GTF2B: variants seen among roughly 807,000 people sequenced by gnomAD.
GTF2B encodes general transcription factor IIB.
Under a neutral mutation model 34.6 loss-of-function variants are expected in GTF2B, and 20 were observed. The observed-to-expected ratio is 0.58, with a 90% confidence interval of 0.41 to 0.84. The LOEUF (loss-of-function observed/expected upper bound fraction) is 0.84, where lower values mean the gene tolerates loss of function less well. GTF2B is among the 40% of genes least tolerant of loss of function. GTF2B has a pLI of 0.00. For synonymous variants in GTF2B, 142 were observed against 132.4 expected, an observed-to-expected ratio of 1.07 and a Z score of -0.50; for missense variants, 237 against 393.3, an observed-to-expected ratio of 0.60 and a Z score of 3.36.
rs1674092564 is a variant in GTF2B, at chr1:88,887,206, A to G, written c.124+55T>C. On this transcript the variant is annotated intron_variant, in intron 2 of 6. Transcript: ENST00000370500. ...AGTGCTGGAATTACAGGCGTGAGCCACCATGCTTGGCCTCCTGAACAGTAA... is the reference window on the plus strand; with the variant it reads ...AGTGCTGGAATTACAGGCGTGAGCCGCCATGCTTGGCCTCCTGAACAGTAA... 3.5e-6 allele frequency: 4 copies of G among 1,145,224 alleles called. No individual in the cohort carries two copies. In the East Asian group the frequency reaches 9.6e-5, roughly 28 times the overall value. 70.9% of individuals were successfully genotyped at this position (1,145,224 alleles called of 1,614,324 possible).
At chr1:88,878,688 G>A (rs1351426115) in intron 2 of GTF2B, among the ~76,000 whole-genome samples, 5 of 152,198 alleles carry the variant, frequency 3.3e-5, no homozygotes, top group Non-Finnish European at 7.3e-5. Flanking sequence ...TCATGGCTCT[G>A]ACGAATACAA....
Position 88,869,771 on chromosome 1 carries a change from C to G in GTF2B, c.125-5657G>C, listed in dbSNP as rs141911713. On this transcript the variant is annotated intron_variant, in intron 2 of 6. Coordinates refer to ENST00000370500, the MANE Select transcript of GTF2B (RefSeq NM_001514.6). ...GCTTCCAAGTAGCTGGGATTACAGG[C>G]GCCTGCCACCACGTCTGACTAATTT... Among the ~76,000 whole-genome samples, 276 of 152,166 alleles carry G rather than the reference C, an allele frequency of 1.8e-3. 2 individuals are homozygous for G. Among genetic ancestry groups the G allele is most frequent in the African/African-American group, 6.3e-3 (262 of 41,514 alleles).
chr1:88,882,135 C>A (rs1673961831), intron 2 of GTF2B, among the ~76,000 whole-genome samples: 1 of 151,820 alleles, frequency 6.6e-6, no homozygotes, highest in Non-Finnish European at 1.5e-5. Context: ...CGTGGTGAAA[C>A]CCTGTCTCTA....
intron 2 of GTF2B, among the ~76,000 whole-genome samples, chr1:88,872,182 G>A (rs138105676): frequency 3.3e-3 from 508 of 151,990 alleles, no homozygotes; most frequent in African/African-American, 0.011. Flanking sequence ...GGCCGGGTGC[G>A]GTGGCTCACG....
At chr1:88,879,827 G>A (rs12408287) in intron 2 of GTF2B, among the ~76,000 whole-genome samples, 17,587 of 151,884 alleles carry the variant, frequency 0.12, 2,451 homozygotes, top group African/African-American at 0.33. Context: ...AGGTCGAGGC[G>A]GGTGGATCAC....
chr1:88,889,385 T>G (rs1018223779), intron 1 of GTF2B, among the ~76,000 whole-genome samples: 1 of 152,120 alleles, frequency 6.6e-6, no homozygotes, highest in Non-Finnish European at 1.5e-5. Context: ...TAGGGAGGAA[T>G]AGAGAAACCA....
chr1:88,861,570 G>A (rs7536560), intron 3 of GTF2B, among the ~76,000 whole-genome samples: 140,018 of 152,288 alleles, frequency 0.92, 64,598 homozygotes, highest in South Asian at 0.96. Context: ...AGGCTGAGGC[G>A]GGAGAATCGC....
intron 2 of GTF2B, among the ~76,000 whole-genome samples, chr1:88,867,882 G>A (rs1421198185): frequency 1.3e-5 from 2 of 152,104 alleles, no homozygotes; most frequent in East Asian, 1.9e-4. Context: ...TTCCACATAC[G>A]TAGGAATGAT....
intron 2 of GTF2B, among the ~76,000 whole-genome samples, chr1:88,885,706 C>T (rs1235822056): frequency 6.6e-6 from 1 of 152,116 alleles, no homozygotes; most frequent in African/African-American, 2.4e-5. Context: ...ACCGAGATCA[C>T]GCCATTGCAC....
chr1:88,882,064 C>T (rs992783880), intron 2 of GTF2B, among the ~76,000 whole-genome samples: 4 of 151,962 alleles, frequency 2.6e-5, no homozygotes, highest in South Asian at 2.1e-4. Flanking sequence ...AAACTCAGAA[C>T]GCTGGGAGGT....
intron 2 of GTF2B, among the ~76,000 whole-genome samples, chr1:88,876,470 G>A (rs528620285): frequency 6.6e-6 from 1 of 152,100 alleles, no homozygotes; most frequent in Non-Finnish European, 1.5e-5. Context: ...CCAGGAGTTC[G>A]AGATCAGCCT....
chr1:88,873,691 C>G lies in GTF2B; in HGVS notation c.125-9577G>C, dbSNP rs111581738. On this transcript the variant is annotated intron_variant, in intron 2 of 6. Coordinates refer to ENST00000370500, the MANE Select transcript of GTF2B (RefSeq NM_001514.6). ...TTACTATGGCTTGCATTTTGTAGCA[C>G]GGGACAGCTGTTGGTAATTTCCTTT... 7.3e-3 allele frequency among the ~76,000 whole-genome samples: 1,114 copies of G among 152,156 alleles called. 13 individuals are homozygous for G. The highest frequency in any genetic ancestry group is 0.025 in the African/African-American group (1,040 of 41,500).
At chr1:88,873,256 C>CTCG (rs1391093810) in intron 2 of GTF2B, among the ~76,000 whole-genome samples, 2 of 140,392 alleles carry the variant, frequency 1.4e-5, no homozygotes, top group African/African-American at 5.3e-5. Context: ...GTGGCACTAT[C>CTCG]TCGACTCACT....
rs377761634 is a variant in GTF2B at position 88,885,104 on chromosome 1, A to C, written c.124+2157T>G. On this transcript the variant is annotated intron_variant, in intron 2 of 6. Transcript: ENST00000370500. Reference sequence around the variant, plus strand: ...TTGTAATGTGAAAAGAGTCATATACACTATGTAAACAAGTGAGTGTTGCTA... The same window carrying C: ...TTGTAATGTGAAAAGAGTCATATACCCTATGTAAACAAGTGAGTGTTGCTA... Among the ~76,000 whole-genome samples, 48 of 152,348 alleles carry C rather than the reference A, an allele frequency of 3.2e-4. No homozygotes were observed. The East Asian group carries it at 6.4e-3, about 20-fold the overall frequency.
At chr1:88,861,917 C>A (rs145482767) in intron 3 of GTF2B, among the ~76,000 whole-genome samples, 103 of 152,170 alleles carry the variant, frequency 6.8e-4, no homozygotes, top group African/African-American at 2.4e-3. Context: ...GGAGACTGTT[C>A]CACAAATATA....
chr1:88,867,512 C>T (rs888993966), intron 2 of GTF2B, among the ~76,000 whole-genome samples: 3 of 151,838 alleles, frequency 2.0e-5, no homozygotes, highest in East Asian at 1.9e-4. Flanking sequence ...CAAAAATAAC[C>T]GTGGCCTTCA....
At chr1:88,861,663 TCAAA>T (rs1399983812) in intron 3 of GTF2B, among the ~76,000 whole-genome samples, 3 of 151,770 alleles carry the variant, frequency 2.0e-5, no homozygotes, top group Admixed American at 1.3e-4. Flanking sequence ...AAACTCTGTC[TCAAA>T]CAAAACAAAA....
chr1:88,884,711 T>C (rs1674024139), intron 2 of GTF2B, among the ~76,000 whole-genome samples: 1 of 152,252 alleles, frequency 6.6e-6, no homozygotes, highest in South Asian at 2.1e-4. Flanking sequence ...ACCATTGTTT[T>C]CCTGAGTTAG....
chr1:88,883,866 T>G (rs1673999865), intron 2 of GTF2B, among the ~76,000 whole-genome samples: 1 of 152,152 alleles, frequency 6.6e-6, no homozygotes, highest in African/African-American at 2.4e-5. Flanking sequence ...CTGCTCCACA[T>G]ATTTTTACCC....
Sources: gnomAD v4.1 joint callset for allele counts (sites outside exome capture counted in the v4.1 genomes callset) on GRCh38, gnomAD v4.1.1 for gene constraint, MANE v1.5 for transcripts, NCBI Gene and HGNC (gene_info 2026-07-23, HGNC 2026-07-21) for gene names.